The following COL4A6 variants were observed in gnomAD, a reference collection of about 807,000 sequenced individuals.
The protein encoded by COL4A6 is collagen type IV alpha 6 chain.
A neutral mutation model predicts 126.7 loss-of-function variants in COL4A6; 59 were observed. That is an observed-to-expected ratio of 0.47 (90% CI 0.38 to 0.58). The LOEUF (loss-of-function observed/expected upper bound fraction) is 0.58. Ranked by LOEUF, COL4A6 falls within the 20% of genes least tolerant of loss-of-function variation. COL4A6 has a pLI of 0.00. For missense variants in COL4A6, 1,285 were observed against 1,337.3 expected (o/e 0.96, Z 0.61); for synonymous variants, 547 against 496.6 (o/e 1.10, Z -1.35).
chrX:108,327,458 A>C (rs1210330306), intron 2 of COL4A6, among the ~76,000 whole-genome samples: 1 of 102,017 alleles, frequency 9.8e-6, no homozygotes, highest in Non-Finnish European at 2.0e-5. Flanking sequence ...TTTGTCATAC[A>C]GGGCTATTGG....
At chrX:108,161,870 C>T (rs2033952559) in intron 41 of COL4A6, 135 bp from the exon 42 acceptor site, 1 of 442,900 alleles carries the variant, frequency 2.3e-6, no homozygotes, top group Non-Finnish European at 4.0e-6. Flanking sequence ...TTGGTGTGCA[C>T]ACTGCACATC....
intron 4 of COL4A6, 98 bp downstream of exon 4, chrX:108,221,142 G>T (rs1417422634): frequency 4.5e-6 from 5 of 1,109,927 alleles, no homozygotes; most frequent in Non-Finnish European, 6.2e-6. Flanking sequence ...AACTACTCAG[G>T]AATGACATCA....
At chrX:108,419,850 G>A (rs1046039023) in intron 2 of COL4A6, among the ~76,000 whole-genome samples, 6 of 111,792 alleles carry the variant, frequency 5.4e-5, no homozygotes, top group Non-Finnish European at 1.1e-4. Context: ...ATACAACTGC[G>A]AGAACACCAA....
At chrX:108,160,401 G>T in intron 43 of COL4A6, 62 bp downstream of exon 43, 1 of 1,060,875 alleles carries the variant, frequency 9.4e-7, no homozygotes, top group East Asian at 3.1e-5. Context: ...AGAAGAGAGG[G>T]GTTGGCTGTT....
At chrX:108,207,430 C>T (rs992221382) in intron 8 of COL4A6, among the ~76,000 whole-genome samples, 3 of 111,115 alleles carry the variant, frequency 2.7e-5, no homozygotes, top group African/African-American at 9.9e-5. Flanking sequence ...CACCATGGCA[C>T]ACGTTGTTTA....
intron 2 of COL4A6, among the ~76,000 whole-genome samples, chrX:108,377,809 A>G (rs1434126429): frequency 9.3e-6 from 1 of 107,595 alleles, no homozygotes; most frequent in African/African-American, 3.4e-5. Flanking sequence ...GTGCCTGGTG[A>G]TGCACACCTG....
chrX:108,329,171 G>C (rs1441057573), intron 2 of COL4A6, among the ~76,000 whole-genome samples: 1 of 111,339 alleles, frequency 9.0e-6, no homozygotes, highest in Admixed American at 9.6e-5. Context: ...GGTGACTGCA[G>C]TCAAAAGTAA....
intron 40 of COL4A6, chrX:108,163,678 T>C (rs2034032959): frequency 8.9e-6 from 1 of 112,046 alleles, no homozygotes; most frequent in Admixed American, 9.4e-5. Flanking sequence ...GGGAGAAGTG[T>C]TGTGGAGGAA....
chrX:108,217,287 T>A (rs989308370), intron 5 of COL4A6, among the ~76,000 whole-genome samples: 1 of 111,971 alleles, frequency 8.9e-6, no homozygotes, highest in Non-Finnish European at 1.9e-5. Context: ...TCCAGTTTAG[T>A]AAGATGTGTT....
chrX:108,353,979 C>G (rs1289530890), intron 2 of COL4A6, among the ~76,000 whole-genome samples: 1 of 111,199 alleles, frequency 9.0e-6, no homozygotes, highest in Non-Finnish European at 1.9e-5. Context: ...ATGGTGAAAC[C>G]CTGTCTCTAC....
intron 29 of COL4A6, 100 bp downstream of exon 29, chrX:108,175,554 A>G (rs1379187132): frequency 2.1e-6 from 2 of 961,852 alleles, no homozygotes; most frequent in African/African-American, 3.9e-5. Context: ...ATTATCTAAC[A>G]TAGATTTGGT....
chrX:108,205,708 T>C lies in COL4A6; in HGVS notation c.610-13A>G. ...GCCCTGGAGGACCCTAGATTTTTTT[T>C]AAAAATAAGAAAGAGTTAGCACTTG... is the stretch of plus-strand genomic sequence containing the variant. On this transcript the variant is annotated splice_polypyrimidine_tract_variant and intron_variant, in intron 9 of 44. Transcript: ENST00000334504. 1 of 1,195,756 alleles carries C rather than the reference T, an allele frequency of 8.4e-7. No individual in the cohort carries two copies. The highest frequency in any genetic ancestry group is 1.1e-6 in the Non-Finnish European group (1 of 883,661).
chrX:108,249,744 AT>A (rs905054305), intron 3 of COL4A6, among the ~76,000 whole-genome samples: 2 of 110,674 alleles, frequency 1.8e-5, no homozygotes, highest in Non-Finnish European at 3.8e-5. Flanking sequence ...GAGCATCAGG[AT>A]TTTTTTTAAC....
intron 2 of COL4A6, among the ~76,000 whole-genome samples, chrX:108,324,545 C>G (rs1384540810): frequency 9.0e-6 from 1 of 111,671 alleles, no homozygotes; most frequent in Non-Finnish European, 1.9e-5. Flanking sequence ...ATACAGGATG[C>G]ACATTAAGCT....
intron 2 of COL4A6, among the ~76,000 whole-genome samples, chrX:108,402,770 T>C: frequency 9.0e-6 from 1 of 111,194 alleles, no homozygotes; most frequent in East Asian, 2.8e-4. Context: ...AATTATCTTT[T>C]TGTTGTTGAC....
chrX:108,328,449 A>T (rs764462781), intron 2 of COL4A6, among the ~76,000 whole-genome samples: 4 of 110,244 alleles, frequency 3.6e-5, no homozygotes, highest in Non-Finnish European at 7.6e-5. Context: ...GAGAGAGAGA[A>T]ATGGAATATG....
Position 108,212,887 on chromosome X carries a change from C to A in COL4A6, c.442-1147G>T, listed in dbSNP as rs1381796398. 3.6e-5 allele frequency among the ~76,000 whole-genome samples: 4 copies of A among 111,906 alleles called. No homozygotes were observed. The South Asian group carries it at 1.1e-3, about 31-fold the overall frequency. ...TGTCAATGGGTATTTATTACCTCAA[C>A]ATTTATTTTCTCCTTTTAGGGGGTA... On this transcript the variant is annotated intron_variant, in intron 6 of 44. Transcript: ENST00000334504.
Position 108,187,983 on chromosome X carries a change from C to T in COL4A6, c.1632G>A (p.Lys544=). The change falls in exon 22 of 45, where the codon AAG becomes AAA. Residue 544 remains lysine (K), a synonymous_variant. Transcript: ENST00000334504. ...PLGPSGPKGK[K]GEPILSTIQG... is the part of the protein sequence containing the mutation. ...GGATTGTACTGAGAATTGGTTCCCC[C>T]TTCTTTCCTTTGGGTCCTGAAGGAC... The T allele has an allele frequency of 8.3e-7, 1 of 1,203,631 alleles. No individual in the cohort carries two copies. Among genetic ancestry groups the T allele is most frequent in the East Asian group, 3.0e-5 (1 of 33,709 alleles).
chrX:108,312,640 T>G (rs921411281), intron 2 of COL4A6, among the ~76,000 whole-genome samples: 6 of 112,223 alleles, frequency 5.3e-5, no homozygotes, highest in African/African-American at 1.9e-4. Flanking sequence ...AATTTGTATT[T>G]CCTTCTCCAT....
Sources: allele counts gnomAD v4.1 joint callset (sites outside exome capture counted in the v4.1 genomes callset), GRCh38; gene constraint gnomAD v4.1.1; transcripts MANE v1.5; gene names NCBI Gene and HGNC (gene_info 2026-07-23, HGNC 2026-07-21).